Variants in KHDRBS3 observed in about 807,000 individuals in gnomAD.
The protein encoded by KHDRBS3 is KH RNA binding domain containing, signal transduction associated 3.
In KHDRBS3, 23 loss-of-function variants were observed where a neutral mutation model predicts 45.6. The ratio of observed to expected loss-of-function variants is 0.50; its 90% CI spans 0.36 to 0.72. The LOEUF (loss-of-function observed/expected upper bound fraction) is 0.72, where lower values mean the gene tolerates loss of function less well. Among genes scored for constraint, KHDRBS3 ranks in the 30% least tolerant of loss-of-function variants. KHDRBS3 has a pLI of 0.00. For missense variants in KHDRBS3, 352 were observed against 424.8 expected (o/e 0.83, Z 1.51); for synonymous variants, 162 against 156.5 (o/e 1.04, Z -0.26).
intron 1 of KHDRBS3, among the ~76,000 whole-genome samples, chr8:135,505,285 T>C (rs1000544004): frequency 2.0e-5 from 3 of 152,190 alleles, no homozygotes; most frequent in Non-Finnish European, 4.4e-5. Flanking sequence ...TAGAGCTCAG[T>C]GAGGCCAAGT....
chr8:135,494,345 C>G (rs1342996427), intron 1 of KHDRBS3, among the ~76,000 whole-genome samples: 1 of 131,802 alleles, frequency 7.6e-6, no homozygotes, highest in Non-Finnish European at 1.5e-5. Context: ...GTGGCGTGAT[C>G]TCGGCTCACT....
At chr8:135,515,453 T>C (rs902491440) in intron 1 of KHDRBS3, among the ~76,000 whole-genome samples, 1 of 148,966 alleles carries the variant, frequency 6.7e-6, no homozygotes, top group Non-Finnish European at 1.5e-5. Flanking sequence ...TTGTTGTCGT[T>C]GTTGATTTTT....
chr8:135,596,949 C>T (rs1298311701), intron 6 of KHDRBS3, among the ~76,000 whole-genome samples: 1 of 152,160 alleles, frequency 6.6e-6, no homozygotes, highest in Admixed American at 6.5e-5. Flanking sequence ...CGTCCCTGCA[C>T]CTCTCTCCCA....
chr8:135,461,934 G>C (rs1344863032), intron 1 of KHDRBS3, among the ~76,000 whole-genome samples: 1 of 152,122 alleles, frequency 6.6e-6, no homozygotes, highest in Non-Finnish European at 1.5e-5. Flanking sequence ...ACAATTCTTA[G>C]CATTACTTAG....
intron 6 of KHDRBS3, among the ~76,000 whole-genome samples, chr8:135,597,131 C>G (rs570578635): frequency 1.8e-4 from 27 of 152,326 alleles, no homozygotes; most frequent in African/African-American, 6.0e-4. Flanking sequence ...AAGACACCTA[C>G]AGATTAAGTG....
chr8:135,492,928 A>T (rs1185207800), intron 1 of KHDRBS3, among the ~76,000 whole-genome samples: 1 of 152,206 alleles, frequency 6.6e-6, no homozygotes, highest in African/African-American at 2.4e-5. Context: ...TATCTTAACA[A>T]TATTGAGTCT....
chr8:135,462,783 G>A (rs1318649288), intron 1 of KHDRBS3, among the ~76,000 whole-genome samples: 1 of 152,076 alleles, frequency 6.6e-6, no homozygotes, highest in African/African-American at 2.4e-5. Context: ...GTCAAGCTTT[G>A]TTCTTTTACA....
At chr8:135,590,099 A>G (rs1371849124) in intron 6 of KHDRBS3, among the ~76,000 whole-genome samples, 1 of 152,186 alleles carries the variant, frequency 6.6e-6, no homozygotes, top group African/African-American at 2.4e-5. Context: ...TTCTTAGACA[A>G]ACTTAGATGG....
intron 2 of KHDRBS3, among the ~76,000 whole-genome samples, chr8:135,533,480 A>G (rs1395370022): frequency 6.6e-6 from 1 of 152,152 alleles, no homozygotes; most frequent in Non-Finnish European, 1.5e-5. Context: ...TTTTAGATAG[A>G]TAAATGTGTG....
chr8:135,650,997 A>C (rs1831417348), downstream of KHDRBS3, among the ~76,000 whole-genome samples: 1 of 152,220 alleles, frequency 6.6e-6, no homozygotes, highest in African/African-American at 2.4e-5. Flanking sequence ...CAAGTGCCAC[A>C]GTCTACTGGG....
chr8:135,578,960 A>G (rs918316593), intron 5 of KHDRBS3, among the ~76,000 whole-genome samples: 63 of 152,046 alleles, frequency 4.1e-4, no homozygotes, highest in African/African-American at 1.4e-3. Context: ...GGCTTCAGTA[A>G]ATGTTTTTTG....
rs573374804 is a variant in KHDRBS3, at chr8:135,579,904, T to C, written c.612-1974T>C. 2.0e-5 allele frequency among the ~76,000 whole-genome samples: 3 copies of C among 152,338 alleles called. No homozygotes were observed. In the East Asian group the frequency reaches 5.8e-4, roughly 29 times the overall value. Reference sequence around the variant, plus strand: ...TTGAGGATTTTTGTACCTGTGTTCATGAGAGATGCTGATTTCTAGTTCTTC... The same window carrying C: ...TTGAGGATTTTTGTACCTGTGTTCACGAGAGATGCTGATTTCTAGTTCTTC... On this transcript the variant is annotated intron_variant, in intron 5 of 8. Coordinates refer to ENST00000355849, the MANE Select transcript of KHDRBS3 (RefSeq NM_006558.3).
At chr8:135,459,173 T>A (rs1475845723) in intron 1 of KHDRBS3, among the ~76,000 whole-genome samples, 1 of 152,236 alleles carries the variant, frequency 6.6e-6, no homozygotes, top group African/African-American at 2.4e-5. Flanking sequence ...CATATTCTAT[T>A]TGTATATAGA....
At chr8:135,624,656 T>C (rs1830282580) in intron 7 of KHDRBS3, among the ~76,000 whole-genome samples, 2 of 152,228 alleles carry the variant, frequency 1.3e-5, no homozygotes, top group Admixed American at 1.3e-4. Flanking sequence ...CAAGCAGCCC[T>C]GTAAGACAGA....
At chr8:135,496,879 C>G (rs747223880) in intron 1 of KHDRBS3, among the ~76,000 whole-genome samples, 1 of 152,178 alleles carries the variant, frequency 6.6e-6, no homozygotes, top group African/African-American at 2.4e-5. Context: ...CGTAGCTTGC[C>G]CATAGCCTTA....
intron 5 of KHDRBS3, among the ~76,000 whole-genome samples, chr8:135,576,215 C>T (rs946154639): frequency 1.3e-5 from 2 of 152,196 alleles, no homozygotes; most frequent in Non-Finnish European, 2.9e-5. Context: ...TGAGGTCATG[C>T]TTGTCAAGTT....
chr8:135,615,283 GC>G (rs1387387689), intron 7 of KHDRBS3, among the ~76,000 whole-genome samples: 4 of 148,978 alleles, frequency 2.7e-5, no homozygotes, highest in Non-Finnish European at 5.9e-5. Context: ...GGAAGGAACA[GC>G]CCAAGACTGA....
intron 1 of KHDRBS3, among the ~76,000 whole-genome samples, chr8:135,479,336 C>T (rs1822451461): frequency 6.6e-6 from 1 of 152,162 alleles, no homozygotes; most frequent in Admixed American, 6.5e-5. Context: ...AAGCTGAGAT[C>T]CAGGTGGCGT....
intron 2 of KHDRBS3, among the ~76,000 whole-genome samples, chr8:135,531,176 G>GTT (rs1264931306): frequency 6.6e-6 from 1 of 151,748 alleles, no homozygotes; most frequent in Non-Finnish European, 1.5e-5. Context: ...GCATGTCTAT[G>GTT]TTTTTTTTGC....
Sources: allele counts gnomAD v4.1 joint callset (sites outside exome capture counted in the v4.1 genomes callset), GRCh38; gene constraint gnomAD v4.1.1; transcripts MANE v1.5; gene names NCBI Gene and HGNC (gene_info 2026-07-23, HGNC 2026-07-21).